The following MRPL45 variants were observed in gnomAD, a reference collection of about 807,000 sequenced individuals.
The protein encoded by MRPL45 is mitochondrial ribosomal protein L45.
A neutral mutation model predicts 38.1 loss-of-function variants in MRPL45; 20 were observed. The observed-to-expected ratio is 0.53, with a 90% CI of 0.37 to 0.76. The LOEUF (loss-of-function observed/expected upper bound fraction) is 0.76. Ranked by LOEUF, MRPL45 falls within the 30% of genes least tolerant of loss-of-function variation. The pLI is 0.00. For missense variants in MRPL45, 337 were observed against 395.6 expected, an observed-to-expected ratio of 0.85 and a Z score of 1.26; for synonymous variants, 105 against 128.8, an observed-to-expected ratio of 0.82 and a Z score of 1.25.
intron 4 of MRPL45, among the ~76,000 whole-genome samples, chr17:38,312,154 C>G (rs1426793136): frequency 4.0e-5 from 6 of 150,502 alleles, no homozygotes; most frequent in Non-Finnish European, 8.8e-5. Flanking sequence ...TCAAGCGATT[C>G]TCCAGCCTCA....
Position 38,322,849 on chromosome 17 carries a change from G to A in MRPL45, c.*254G>A. The A allele has an allele frequency of 2.1e-6, 1 of 467,740 alleles. No individual in the cohort carries two copies. Among genetic ancestry groups the A allele is most frequent in the Non-Finnish European group, 3.8e-6 (1 of 263,496 alleles). The allele number at this position is 467,740 out of a possible 1,614,324, so 29.0% of individuals were successfully genotyped here. ...TCTGAGTCTAGATGAAAGACAGTAT[G>A]TTTCAGAGAACATTGGATATCAGTT... On this transcript the variant is annotated 3_prime_UTR_variant, in exon 8 of 8. Coordinates refer to ENST00000613675, the MANE Select transcript of MRPL45 (RefSeq NM_032351.6).
chr17:38,320,565 C>T, intron 5 of MRPL45, 53 bp from the exon 6 acceptor site: 1 of 1,590,816 alleles, frequency 6.3e-7, no homozygotes, highest in Non-Finnish European at 8.6e-7. Flanking sequence ...GCAGCACCAG[C>T]TTCCTTAAAG....
At chr17:38,311,684 CAAAAAAAAAAA>C (rs756151374) in intron 4 of MRPL45, among the ~76,000 whole-genome samples, 2 of 92,306 alleles carry the variant, frequency 2.2e-5, no homozygotes, top group African/African-American at 7.6e-5. Flanking sequence ...GACTCCGTCT[CAAAAAAAAAAA>C]AAAAAAAAAG....
chr17:38,308,105 C>T (rs2037072264), intron 4 of MRPL45, among the ~76,000 whole-genome samples: 2 of 151,784 alleles, frequency 1.3e-5, no homozygotes, highest in South Asian at 4.1e-4. Context: ...GGGATTTCAC[C>T]ATGTTGCCCA....
rs751999418 is a variant in MRPL45 at position 38,298,598 on chromosome 17, G to A, written c.216G>A (p.Ser72=). 1.4e-5 allele frequency: 23 copies of A among 1,612,544 alleles called. No homozygotes were observed. Among genetic ancestry groups the A allele is most frequent in the South Asian group, 8.8e-5 (8 of 91,034 alleles). Residue 72 remains serine (S), a synonymous_variant, in exon 2 of 8, where the codon TCG becomes TCA. Transcript: ENST00000613675. Reference sequence around the variant, plus strand: ...GATTGGTTATTCCTCCAGAAAAATCGGACCGTTCCATACATCTGGCCTGTA... The same window carrying A: ...GATTGGTTATTCCTCCAGAAAAATCAGACCGTTCCATACATCTGGCCTGTA... The part of the protein sequence containing the change: ...KAGLVIPPEK[S]DRSIHLACTA...
rs553540711 is a variant in MRPL45 at position 38,310,302 on chromosome 17, GGTTA to G, written c.461+3675_461+3678del. Among the ~76,000 whole-genome samples the G allele has an allele frequency of 6.7e-5, 10 of 149,400 alleles. No homozygotes were observed. The South Asian group carries it at 1.3e-3, about 19-fold the overall frequency. On this transcript the variant is annotated intron_variant, in intron 4 of 7. Coordinates refer to ENST00000613675, the MANE Select transcript of MRPL45 (RefSeq NM_032351.6). Reference sequence around the variant, plus strand: ...GTCTTATTTGTTTCTTTTGGGTTTTGGTTAGTTCTTGTCATTTTTGTTTTTGTTT... The same window carrying G: ...GTCTTATTTGTTTCTTTTGGGTTTTGGTTCTTGTCATTTTTGTTTTTGTTT...
At chr17:38,322,401 C>A in intron 7 of MRPL45, 102 bp downstream of exon 7, 1 of 1,135,092 alleles carries the variant, frequency 8.8e-7, no homozygotes, top group Non-Finnish European at 1.2e-6. Context: ...TGATGCACCA[C>A]CCAGGAAGGG....
In MRPL45 at chr17:38,316,737, CAAAAAAAAAAAA is replaced by C. The variant is rs61383463; in HGVS notation, c.462-1934_462-1923del. ...CAGGCTGGAGGGCAGTGGTGCAATC[CAAAAAAAAAAAA>C]AAAAAAAAAAAAAAAGCAAAAGTGT... On this transcript the variant is annotated intron_variant, in intron 4 of 7. Coordinates refer to ENST00000613675, the MANE Select transcript of MRPL45 (RefSeq NM_032351.6). Among the ~76,000 whole-genome samples, 10 of 61,210 alleles carry C rather than the reference CAAAAAAAAAAAA, an allele frequency of 1.6e-4. 1 individual carries two copies. Among genetic ancestry groups the C allele is most frequent in the South Asian group, 1.3e-3 (1 of 758 alleles). 40.2% of individuals were successfully genotyped at this position (61,210 alleles called of 152,430 possible).
intron 4 of MRPL45, among the ~76,000 whole-genome samples, chr17:38,316,020 C>G (rs1163014474): frequency 1.3e-5 from 2 of 152,108 alleles, no homozygotes; most frequent in Non-Finnish European, 2.9e-5. Context: ...GGTGATCCAC[C>G]CACCTTGGCC....
chr17:38,300,410 C>T (rs1404117896), intron 3 of MRPL45, among the ~76,000 whole-genome samples: 1 of 152,086 alleles, frequency 6.6e-6, no homozygotes, highest in African/African-American at 2.4e-5. Flanking sequence ...GCAGTCCTCC[C>T]ACCTCAGCCT....
chr17:38,303,021 T>A (rs553993150), intron 3 of MRPL45, among the ~76,000 whole-genome samples: 2 of 151,484 alleles, frequency 1.3e-5, no homozygotes, highest in African/African-American at 4.9e-5. Context: ...CCCAGCCTTA[T>A]TAATTGATTT....
intron 4 of MRPL45, among the ~76,000 whole-genome samples, chr17:38,317,583 T>C (rs2037186910): frequency 6.6e-6 from 1 of 151,978 alleles, no homozygotes; most frequent in East Asian, 1.9e-4. Flanking sequence ...TTGTTTTGTT[T>C]TTTTTTGAGA....
chr17:38,322,687 C>T lies in MRPL45; in HGVS notation c.*92C>T, dbSNP rs1597658629. 9 of 961,166 alleles carry T rather than the reference C, an allele frequency of 9.4e-6. No homozygotes were observed. The East Asian group carries it at 1.0e-4, about 11-fold the overall frequency. 59.5% of individuals were successfully genotyped at this position (961,166 alleles called of 1,614,324 possible). On this transcript the variant is annotated 3_prime_UTR_variant, in exon 8 of 8. Coordinates refer to ENST00000613675, the MANE Select transcript of MRPL45 (RefSeq NM_032351.6). Reference sequence around the variant, plus strand: ...TCCCCTCATGCTATAAAAAGAACTACCTTTGTTCTCTCCCATCCTGCTCAG... The same window carrying T: ...TCCCCTCATGCTATAAAAAGAACTATCTTTGTTCTCTCCCATCCTGCTCAG...
chr17:38,320,853 A>G, intron 6 of MRPL45, 86 bp downstream of exon 6: 1 of 1,325,086 alleles, frequency 7.5e-7, no homozygotes, highest in East Asian at 2.3e-5. Context: ...ATGGTTGCCC[A>G]GGACTGTAGA....
intron 3 of MRPL45, among the ~76,000 whole-genome samples, chr17:38,301,258 T>G (rs1057348862): frequency 1.8e-4 from 28 of 152,146 alleles, no homozygotes; most frequent in Non-Finnish European, 8.8e-5. Context: ...CTTCTTTTTT[T>G]GAGATGGAGT....
intron 5 of MRPL45, among the ~76,000 whole-genome samples, chr17:38,319,081 G>A (rs1465688827): frequency 6.6e-6 from 1 of 151,180 alleles, no homozygotes; most frequent in African/African-American, 2.4e-5. Flanking sequence ...TGTCGCCCAG[G>A]ATGGAGTGCA....
At chr17:38,319,519 C>T (rs1403223162) in intron 5 of MRPL45, among the ~76,000 whole-genome samples, 1 of 152,134 alleles carries the variant, frequency 6.6e-6, no homozygotes, top group East Asian at 1.9e-4. Flanking sequence ...AAGTTTAAGG[C>T]ACAGGCTGAA....
At chr17:38,306,253 C>T (rs1322669470) in intron 3 of MRPL45, among the ~76,000 whole-genome samples, 2 of 151,758 alleles carry the variant, frequency 1.3e-5, no homozygotes, top group African/African-American at 4.8e-5. Flanking sequence ...ACTAAAAATA[C>T]AAAAATTTAG....
intron 3 of MRPL45, among the ~76,000 whole-genome samples, chr17:38,300,759 C>A (rs1161613897): frequency 6.6e-6 from 1 of 152,036 alleles, no homozygotes; most frequent in East Asian, 1.9e-4. Flanking sequence ...CCAGCCCGAC[C>A]AACATGGAGA....
Sources: allele counts gnomAD v4.1 joint callset (sites outside exome capture counted in the v4.1 genomes callset), GRCh38; gene constraint gnomAD v4.1.1; transcripts MANE v1.5; gene names NCBI Gene and HGNC (gene_info 2026-07-23, HGNC 2026-07-21).